Variants in MALRD1 observed in about 807,000 individuals in gnomAD.
MALRD1 encodes the protein MAM and LDL-receptor class A domain-containing protein 1.
MALRD1 carries 247 observed loss-of-function variants against 242.1 expected under a neutral mutation model. The ratio of observed to expected loss-of-function variants is 1.02; its 90% CI spans 0.92 to 1.13. MALRD1 has a LOEUF of 1.13. Among genes scored for constraint, MALRD1 ranks in the 50% most tolerant of loss-of-function variants. The pLI is 0.00. For synonymous variants in MALRD1, 995 were observed against 866.6 expected, an observed-to-expected ratio of 1.15 and a Z score of -2.60; for missense variants, 2,989 against 2,533.1, an observed-to-expected ratio of 1.18 and a Z score of -3.86.
chr10:19,604,922 T>C lies in MALRD1; in HGVS notation c.5945-2855T>C, dbSNP rs73595857. ...CTGAGCCTGCCATATTGCTGAGATA[T>C]ACCTGTGCATACTTCTTCATTTTTA... is the stretch of plus-strand genomic sequence containing the variant. On this transcript the variant is annotated intron_variant, in intron 34 of 39. Coordinates refer to ENST00000454679, the MANE Select transcript of MALRD1 (RefSeq NM_001142308.3). Among the ~76,000 whole-genome samples, 429 of 152,276 alleles carry C rather than the reference T, an allele frequency of 2.8e-3. 4 individuals carry two copies. Among genetic ancestry groups the C allele is most frequent in the African/African-American group, 1.0e-2 (414 of 41,582 alleles).
intron 29 of MALRD1, among the ~76,000 whole-genome samples, chr10:19,456,647 C>T (rs952807454): frequency 3.9e-5 from 6 of 152,024 alleles, no homozygotes; most frequent in African/African-American, 9.7e-5. Flanking sequence ...GCATTCAGAT[C>T]GCTCGCAGTC....
intron 18 of MALRD1, among the ~76,000 whole-genome samples, chr10:19,218,737 G>A (rs1015781698): frequency 9.2e-5 from 14 of 152,064 alleles, no homozygotes; most frequent in Admixed American, 5.9e-4. Context: ...TGAGATTTCC[G>A]TGTTCTGAAC....
chr10:19,221,247 G>C (rs899310941), intron 18 of MALRD1, among the ~76,000 whole-genome samples: 1 of 151,836 alleles, frequency 6.6e-6, no homozygotes, highest in Non-Finnish European at 1.5e-5. Context: ...TGTAAATATC[G>C]TAGGACTATG....
chr10:19,237,030 T>A (rs529433435), intron 18 of MALRD1, among the ~76,000 whole-genome samples: 70 of 152,122 alleles, frequency 4.6e-4, no homozygotes, highest in African/African-American at 1.7e-3. Flanking sequence ...TTATATAGAT[T>A]TATAGGATAC....
chr10:19,139,961 A>C (rs754457038), intron 10 of MALRD1, among the ~76,000 whole-genome samples: 29 of 152,178 alleles, frequency 1.9e-4, no homozygotes, highest in Non-Finnish European at 3.5e-4. Context: ...ATAAAAACTA[A>C]AGGCAAACAA....
At chr10:19,633,970 C>T (rs1228205934) in intron 36 of MALRD1, among the ~76,000 whole-genome samples, 2 of 151,546 alleles carry the variant, frequency 1.3e-5, no homozygotes, top group Non-Finnish European at 2.9e-5. Flanking sequence ...TCCCAAGTAG[C>T]TGGGACTACA....
intron 32 of MALRD1, among the ~76,000 whole-genome samples, chr10:19,531,593 A>G (rs989509637): frequency 6.6e-6 from 1 of 152,182 alleles, no homozygotes; most frequent in African/African-American, 2.4e-5. Context: ...ATGGTATTTA[A>G]AAGATTATCT....
chr10:19,643,520 A>G (rs935092696), intron 36 of MALRD1, among the ~76,000 whole-genome samples: 6 of 135,698 alleles, frequency 4.4e-5, no homozygotes, highest in Non-Finnish European at 9.9e-5. Flanking sequence ...TTAATTGATT[A>G]ATTGACTAAA....
intron 28 of MALRD1, among the ~76,000 whole-genome samples, chr10:19,408,793 G>A (rs1405044134): frequency 6.6e-5 from 10 of 152,114 alleles, no homozygotes; most frequent in Admixed American, 5.9e-4. Context: ...GTGCTTGGGA[G>A]GATATAGAGA....
chr10:19,205,152 G>C lies in MALRD1; in HGVS notation c.2465G>C (p.Ser822Thr), dbSNP rs745392720. Reference protein sequence around the residue: ...ENCTLPLPAESCEGLDHFWCR... With the variant: ...ENCTLPLPAETCEGLDHFWCR... Reference sequence around the variant, plus strand: ...TGTACTCTCCCTCTTCCTGCTGAGAGCTGTGAAGGGCTGGATCATTTCTGG... The same window carrying C: ...TGTACTCTCCCTCTTCCTGCTGAGACCTGTGAAGGGCTGGATCATTTCTGG... Residue 822 changes from serine (S) to threonine (T), a missense_variant, in exon 17 of 40, where the codon AGC becomes ACC. Transcript: ENST00000454679. 1 of 1,550,946 alleles carries C rather than the reference G, an allele frequency of 6.4e-7. No homozygotes were observed.
At chr10:19,249,564 T>C (rs1839213330) in intron 18 of MALRD1, among the ~76,000 whole-genome samples, 1 of 152,046 alleles carries the variant, frequency 6.6e-6, no homozygotes, top group Admixed American at 6.6e-5. Context: ...TGCTGGATGC[T>C]GTGTTTGCAG....
At chr10:19,602,802 A>C (rs1465243085) in intron 34 of MALRD1, among the ~76,000 whole-genome samples, 5 of 152,166 alleles carry the variant, frequency 3.3e-5, no homozygotes, top group Admixed American at 3.3e-4. Context: ...ACTAGTTGAC[A>C]GTCCCACCAA....
At chr10:19,441,878 T>C (rs1404435811) in intron 28 of MALRD1, among the ~76,000 whole-genome samples, 2 of 152,172 alleles carry the variant, frequency 1.3e-5, no homozygotes, top group African/African-American at 4.8e-5. Context: ...AGAAAGTCAT[T>C]GGTAGCTTGG....
chr10:19,166,309 G>A (rs1834683834), intron 13 of MALRD1, among the ~76,000 whole-genome samples: 1 of 152,184 alleles, frequency 6.6e-6, no homozygotes, highest in African/African-American at 2.4e-5. Flanking sequence ...ATTATACAAA[G>A]TGAAATAAGC....
intron 38 of MALRD1, among the ~76,000 whole-genome samples, chr10:19,699,431 G>C (rs1044865733): frequency 6.6e-6 from 1 of 152,030 alleles, no homozygotes; most frequent in Non-Finnish European, 1.5e-5. Context: ...GGAAAATAGA[G>C]ATAAATTGGA....
At chr10:19,504,275 C>T (rs975413689) in intron 31 of MALRD1, among the ~76,000 whole-genome samples, 4 of 152,080 alleles carry the variant, frequency 2.6e-5, no homozygotes, top group Admixed American at 6.5e-5. Context: ...CGTATGGATC[C>T]GAATCCAAGC....
intron 14 of MALRD1, among the ~76,000 whole-genome samples, chr10:19,189,965 A>G (rs950379417): frequency 3.3e-5 from 5 of 152,144 alleles, no homozygotes; most frequent in African/African-American, 7.2e-5. Context: ...AGCAAAAGCA[A>G]TTAATTTAAA....
intron 12 of MALRD1, among the ~76,000 whole-genome samples, chr10:19,162,850 G>C (rs192132971): frequency 1.3e-5 from 2 of 151,872 alleles, no homozygotes; most frequent in Non-Finnish European, 2.9e-5. Context: ...TTCTACTATA[G>C]GTCAGGTGCA....
intron 21 of MALRD1, among the ~76,000 whole-genome samples, chr10:19,319,105 C>T (rs1842818452): frequency 6.6e-6 from 1 of 151,812 alleles, no homozygotes; most frequent in Non-Finnish European, 1.5e-5. Context: ...ACTGGTTGGC[C>T]TTTACATCAT....
Sources: allele counts gnomAD v4.1 joint callset (sites outside exome capture counted in the v4.1 genomes callset), GRCh38; gene constraint gnomAD v4.1.1; transcripts MANE v1.5; gene names NCBI Gene and HGNC (gene_info 2026-07-23, HGNC 2026-07-21).